RIPK4: variants seen among roughly 807,000 people sequenced by gnomAD.
The protein encoded by RIPK4 is receptor interacting serine/threonine kinase 4, also known as receptor-interacting serine/threonine-protein kinase 4.
Under a neutral mutation model 42.9 loss-of-function variants are expected in RIPK4, and 17 were observed. The observed-to-expected ratio is 0.40, with a 90% CI of 0.27 to 0.59. The LOEUF is 0.59. Ranked by LOEUF, RIPK4 falls within the 20% of genes least tolerant of loss-of-function variation. The pLI, the probability that RIPK4 is intolerant of heterozygous loss-of-function variation, is 0.47. For synonymous variants in RIPK4, 498 were observed against 499.1 expected (o/e 1.00, Z 0.03); for missense variants, 897 against 1,104.4 (o/e 0.81, Z 2.66).
chr21:41,743,370 C>A (rs2061160454), intron 7 of RIPK4, among the ~76,000 whole-genome samples: 1 of 152,258 alleles, frequency 6.6e-6, no homozygotes, highest in African/African-American at 2.4e-5. Flanking sequence ...AGAAGTGCTC[C>A]TCCCTATCAG....
Position 41,740,669 on chromosome 21 carries a change from G to T in RIPK4, c.*169C>A. On this transcript the variant is annotated 3_prime_UTR_variant, in exon 8 of 8. Coordinates refer to ENST00000332512, the MANE Select transcript of RIPK4 (RefSeq NM_020639.3). The stretch of plus-strand genomic sequence containing the variant: ...CACCTGAGCCAGCTTCACCTGGAGG[G>T]GACACTCCGGTCAGCAGCAGCCGCC... 1.5e-6 allele frequency: 1 copy of T among 662,620 alleles called. No homozygotes were observed. Among genetic ancestry groups the T allele is most frequent in the Non-Finnish European group, 2.5e-6 (1 of 399,122 alleles). 41.0% of individuals were successfully genotyped at this position (662,620 alleles called of 1,614,324 possible). A position where few individuals can be genotyped will look rare whatever the true frequency, so the allele number is the denominator to read the frequency against.
intron 1 of RIPK4, among the ~76,000 whole-genome samples, chr21:41,762,106 T>G (rs2061222243): frequency 6.6e-6 from 1 of 152,198 alleles, no homozygotes; most frequent in Non-Finnish European, 1.5e-5. Flanking sequence ...CGCAACTGCC[T>G]GAAGGGAGCC....
intron 2 of RIPK4, among the ~76,000 whole-genome samples, chr21:41,754,539 C>A (rs1249899682): frequency 6.6e-6 from 1 of 152,204 alleles, no homozygotes; most frequent in Non-Finnish European, 1.5e-5. Context: ...CAGTTCCAGG[C>A]AGCATCCGCC....
intron 6 of RIPK4, 25 bp from the exon 7 acceptor site, chr21:41,744,165 G>A (rs762050782): frequency 1.3e-6 from 2 of 1,553,328 alleles, no homozygotes; most frequent in African/African-American, 1.4e-5. Flanking sequence ...AAGAGGGGGT[G>A]GGTGAAGACC....
At chr21:41,758,525 A>T (rs1411645858) in intron 1 of RIPK4, among the ~76,000 whole-genome samples, 1 of 152,100 alleles carries the variant, frequency 6.6e-6, no homozygotes, top group East Asian at 1.9e-4. Context: ...ACATTGGGGG[A>T]CAAACGCCTG....
In RIPK4 at chr21:41,767,050, T is replaced by G. The variant is rs1213926357; in HGVS notation, c.-9A>C. The G allele has an allele frequency of 3.3e-6, 5 of 1,538,256 alleles. No homozygotes were observed. The African/African-American group carries it at 7.2e-5, about 22-fold the overall frequency. On this transcript the variant is annotated 5_prime_UTR_variant, in exon 1 of 8. Transcript: ENST00000332512. The surrounding 1 kb of genome is among the most constrained non-coding windows in gnomAD (Gnocchi z 4.0). ...CCGCCGTCGCCCTCCATCGCGCACG[T>G]CTAGCCAGCGCCGCGGCGGCTGCCC...
chr21:41,755,632 T>C lies in RIPK4; in HGVS notation c.474+893A>G, dbSNP rs572401980. Among the ~76,000 whole-genome samples, 105 of 152,288 alleles carry C rather than the reference T, an allele frequency of 6.9e-4. 3 individuals carry two copies. The South Asian group carries it at 0.02, about 29-fold the overall frequency. On this transcript the variant is annotated intron_variant, in intron 2 of 7. Transcript: ENST00000332512. The surrounding 1 kb of genome is among the most constrained non-coding windows in gnomAD (Gnocchi z 4.2). ...CTGCTTGTCCCCTGCATGAACTACATGGATCCGGACCATGGCTCTCGGCTC... is the reference window on the plus strand; with the variant it reads ...CTGCTTGTCCCCTGCATGAACTACACGGATCCGGACCATGGCTCTCGGCTC...
rs993932484 is a variant in RIPK4, at chr21:41,755,157, C to A, written c.474+1368G>T. 6.6e-6 allele frequency among the ~76,000 whole-genome samples: 1 copy of A among 152,148 alleles called. No individual in the cohort carries two copies. The highest frequency in any genetic ancestry group is 2.1e-4 in the South Asian group (1 of 4,828). On this transcript the variant is annotated intron_variant, in intron 2 of 7. Transcript: ENST00000332512. The surrounding 1 kb of genome is among the most constrained non-coding windows in gnomAD (Gnocchi z 4.2). ...GCCCAGCCCTGCCCATCACAGGAAA[C>A]GGGAATCCCAGGGGTCCCAGAACAT...
chr21:41,762,390 T>C (rs1346235301), intron 1 of RIPK4, among the ~76,000 whole-genome samples: 1 of 152,086 alleles, frequency 6.6e-6, no homozygotes, highest in African/African-American at 2.4e-5. Flanking sequence ...TCAGAAACTT[T>C]CCACACTGTT....
rs969479338 is a variant in RIPK4 at position 41,740,409 on chromosome 21, T to A, written c.*429A>T. The A allele has an allele frequency of 3.4e-5, 6 of 174,544 alleles. No individual in the cohort carries two copies. The highest frequency in any genetic ancestry group is 1.4e-4 in the African/African-American group (6 of 42,308). 10.8% of individuals were successfully genotyped at this position (174,544 alleles called of 1,614,324 possible). A position where few individuals can be genotyped will look rare whatever the true frequency, so the allele number is the denominator to read the frequency against. On this transcript the variant is annotated 3_prime_UTR_variant, in exon 8 of 8. Coordinates refer to ENST00000332512, the MANE Select transcript of RIPK4 (RefSeq NM_020639.3). ...ATGGAAACTTTAAGACAGGCCTCTC[T>A]GCCCACCGTCATGTATGAAGATAAA...
chr21:41,755,312 G>C lies in RIPK4; in HGVS notation c.474+1213C>G, dbSNP rs568129650. Among the ~76,000 whole-genome samples, 2 of 152,124 alleles carry C rather than the reference G, an allele frequency of 1.3e-5. No individual in the cohort carries two copies. Among genetic ancestry groups the C allele is most frequent in the East Asian group, 3.8e-4 (2 of 5,200 alleles). On this transcript the variant is annotated intron_variant, in intron 2 of 7. Transcript: ENST00000332512. This position sits in a 1 kb window ranked among gnomAD's most constrained non-coding sequence, Gnocchi z 4.2. ...CTTCTAGCTGAAATCTTATTACTGC[G>C]CAACACCTACCTAAGAGACAACTTA...
chr21:41,747,174 G>A (rs2061174504), intron 4 of RIPK4, among the ~76,000 whole-genome samples: 1 of 152,226 alleles, frequency 6.6e-6, no homozygotes, highest in Non-Finnish European at 1.5e-5. Flanking sequence ...GAGCCACAGC[G>A]TCCTACATCC....
intron 5 of RIPK4, 30 bp from the exon 6 acceptor site, chr21:41,745,892 C>T (rs548177359): frequency 5.5e-5 from 84 of 1,529,068 alleles, no homozygotes; most frequent in African/African-American, 1.9e-4. Context: ...ACATGTCACT[C>T]GGATGATGAC....
chr21:41,756,384 G>A (rs1172964822), intron 2 of RIPK4, 141 bp downstream of exon 2: 23 of 1,080,796 alleles, frequency 2.1e-5, no homozygotes, highest in South Asian at 8.0e-5. Context: ...AAAAGGCCTC[G>A]GTTTCAAGCT....
chr21:41,747,440 C>G lies in RIPK4; in HGVS notation c.674-669G>C, dbSNP rs141486087. Reference sequence around the variant, plus strand: ...GACTGGGAAGGGCCCAGGGTGACATCCAGTGGGCCAAGTTCTTTTTTCTGC... The same window carrying G: ...GACTGGGAAGGGCCCAGGGTGACATGCAGTGGGCCAAGTTCTTTTTTCTGC... On this transcript the variant is annotated intron_variant, in intron 4 of 7. Transcript: ENST00000332512. Among the ~76,000 whole-genome samples, 14 of 152,324 alleles carry G rather than the reference C, an allele frequency of 9.2e-5. No homozygotes were observed. In the East Asian group the frequency reaches 2.7e-3, roughly 29 times the overall value.
intron 2 of RIPK4, among the ~76,000 whole-genome samples, chr21:41,754,014 T>A (rs1448572812): frequency 6.6e-6 from 1 of 152,232 alleles, no homozygotes; most frequent in African/African-American, 2.4e-5. Context: ...AACTGCTTCA[T>A]GAAGTAGACA....
At chr21:41,746,302 C>T (rs1601676980) in intron 5 of RIPK4, 6 of 592,780 alleles carry the variant, frequency 1.0e-5, no homozygotes, top group African/African-American at 1.9e-5. Flanking sequence ...CAGGTAAGTC[C>T]CCGGGAAGAG....
At chr21:41,752,153 G>C (rs1362030585) in intron 2 of RIPK4, among the ~76,000 whole-genome samples, 1 of 152,214 alleles carries the variant, frequency 6.6e-6, no homozygotes, top group East Asian at 1.9e-4. Context: ...GAAGACACAA[G>C]TCATCAGCAT....
At chr21:41,744,454 C>T (rs1212332606) in intron 6 of RIPK4, among the ~76,000 whole-genome samples, 1 of 151,070 alleles carries the variant, frequency 6.6e-6, no homozygotes, top group Non-Finnish European at 1.5e-5. Flanking sequence ...CGCACAGCGC[C>T]AGGGAGCTCA....
Sources: gnomAD v4.1 joint callset for allele counts (sites outside exome capture counted in the v4.1 genomes callset) on GRCh38, gnomAD v4.1.1 for gene constraint, Gnocchi (gnomAD v3.1) non-coding constraint, MANE v1.5 for transcripts, NCBI Gene and HGNC (gene_info 2026-07-23, HGNC 2026-07-21) for gene names.